Variants in CADM1 observed in about 807,000 individuals in gnomAD.
The protein encoded by CADM1 is TSLC-1.
CADM1 carries 15 observed loss-of-function variants against 53.1 expected under a neutral mutation model. The ratio of observed to expected loss-of-function variants is 0.28; its 90% CI spans 0.19 to 0.44. The LOEUF (loss-of-function observed/expected upper bound fraction) is 0.44, where lower values mean the gene tolerates loss of function less well. Ranked by LOEUF, CADM1 falls within the 20% of genes least tolerant of loss-of-function variation. The pLI is 1.00. For synonymous variants in CADM1, 281 were observed against 243.0 expected, an observed-to-expected ratio of 1.16 and a Z score of -1.45; for missense variants, 434 against 611.3, an observed-to-expected ratio of 0.71 and a Z score of 3.06.
chr11:115,395,650 G>C (rs923971740), intron 1 of CADM1, among the ~76,000 whole-genome samples: 1 of 152,150 alleles, frequency 6.6e-6, no homozygotes, highest in Non-Finnish European at 1.5e-5. Context: ...AGCAATCGGA[G>C]ATGTTTGAAA....
intron 1 of CADM1, among the ~76,000 whole-genome samples, chr11:115,343,433 A>ATAGGT: frequency 6.6e-6 from 1 of 152,172 alleles, no homozygotes; most frequent in Non-Finnish European, 1.5e-5. Context: ...GAAGTTTATC[A>ATAGGT]AAGATCTCAT....
At chr11:115,421,340 A>G (rs1947750828) in intron 1 of CADM1, among the ~76,000 whole-genome samples, 1 of 152,248 alleles carries the variant, frequency 6.6e-6, no homozygotes, top group Non-Finnish European at 1.5e-5. Flanking sequence ...TCTTTTGCTT[A>G]CAACTACTTG....
rs191877160 is a variant in CADM1 at position 115,349,560 on chromosome 11, G to A, written c.125-109140C>T. ...TAATGCACAATGCCTGTTCAAGCCC[G>A]TATTTCAAATCTGAAAGTCACCAAA... On this transcript the variant is annotated intron_variant, in intron 1 of 11. Coordinates refer to ENST00000331581, the MANE Select transcript of CADM1 (RefSeq NM_001301043.2). 5.3e-5 allele frequency among the ~76,000 whole-genome samples: 8 copies of A among 152,258 alleles called. No homozygotes were observed. In the East Asian group the frequency reaches 5.8e-4, roughly 11 times the overall value.
chr11:115,372,211 T>A (rs1213301866), intron 1 of CADM1, among the ~76,000 whole-genome samples: 1 of 152,200 alleles, frequency 6.6e-6, no homozygotes, highest in African/African-American at 2.4e-5. Flanking sequence ...CAGATAAGTA[T>A]TCTATGAGCC....
intron 1 of CADM1, among the ~76,000 whole-genome samples, chr11:115,395,837 T>A (rs1029194668): frequency 2.6e-5 from 4 of 152,218 alleles, no homozygotes; most frequent in African/African-American, 9.6e-5. Context: ...TTTTACATAT[T>A]ATTTAAACAT....
chr11:115,307,071 A>G (rs911157098), intron 1 of CADM1, among the ~76,000 whole-genome samples: 1 of 152,010 alleles, frequency 6.6e-6, no homozygotes, highest in African/African-American at 2.4e-5. Context: ...AAATAGTTAC[A>G]GTATTTCAGG....
In CADM1 at chr11:115,198,286, TTA is replaced by T; in HGVS notation, c.1111+118_1111+119del. ...CAAACCTTAAAAAATTATAGTATAT[TTA>T]TGAGGTCAGTCTACTTGAAACATGA... is the stretch of plus-strand genomic sequence containing the variant. On this transcript the variant is annotated intron_variant, in intron 9 of 11. Coordinates refer to ENST00000331581, the MANE Select transcript of CADM1 (RefSeq NM_001301043.2). The T allele has an allele frequency of 6.9e-6, 5 of 729,286 alleles. No homozygotes were observed. The Admixed American group carries it at 1.2e-4, about 17-fold the overall frequency. 45.2% of individuals were successfully genotyped at this position (729,286 alleles called of 1,614,324 possible).
intron 1 of CADM1, among the ~76,000 whole-genome samples, chr11:115,376,570 G>T (rs2135141106): frequency 6.6e-6 from 1 of 152,232 alleles, no homozygotes; most frequent in East Asian, 1.9e-4. Flanking sequence ...TTGCTAAATG[G>T]TTTCAAGATG....
intron 3 of CADM1, among the ~76,000 whole-genome samples, chr11:115,234,311 C>G (rs1041242982): frequency 1.3e-5 from 2 of 152,080 alleles, no homozygotes; most frequent in Admixed American, 6.5e-5. Flanking sequence ...TCTGCTGGTC[C>G]AAAGTAAGGA....
At chr11:115,381,724 C>T (rs1382082604) in intron 1 of CADM1, among the ~76,000 whole-genome samples, 1 of 152,200 alleles carries the variant, frequency 6.6e-6, no homozygotes, top group Non-Finnish European at 1.5e-5. Flanking sequence ...CTCCCCTCCA[C>T]AATTAAACAA....
chr11:115,328,129 A>G (rs1169448366), intron 1 of CADM1, among the ~76,000 whole-genome samples: 2 of 150,248 alleles, frequency 1.3e-5, no homozygotes, highest in South Asian at 2.1e-4. Flanking sequence ...ACTTCTGTTG[A>G]CCTCCGATTT....
At chr11:115,498,208 G>C (rs1438068810) in intron 1 of CADM1, among the ~76,000 whole-genome samples, 3 of 152,132 alleles carry the variant, frequency 2.0e-5, no homozygotes, top group African/African-American at 7.2e-5. Context: ...AATACTTACA[G>C]CCTGATGCAT....
At chr11:115,498,544 A>ATATTTACACAACTG (rs1949669310) in intron 1 of CADM1, among the ~76,000 whole-genome samples, 1 of 152,242 alleles carries the variant, frequency 6.6e-6, no homozygotes, top group Non-Finnish European at 1.5e-5. Context: ...CAATTACTGC[A>ATATTTACACAACTG]TATTTACACA....
chr11:115,213,794 T>C (rs2134754775), intron 7 of CADM1, among the ~76,000 whole-genome samples: 1 of 152,346 alleles, frequency 6.6e-6, no homozygotes, highest in East Asian at 1.9e-4. Context: ...TGGTTACTCA[T>C]TCTTTGTCAT....
chr11:115,438,406 G>A (rs1948231694), intron 1 of CADM1, among the ~76,000 whole-genome samples: 1 of 152,096 alleles, frequency 6.6e-6, no homozygotes, highest in African/African-American at 2.4e-5. Context: ...TCGGTTTGCT[G>A]CTGATTCTGG....
chr11:115,325,799 C>A (rs1472329209), intron 1 of CADM1, among the ~76,000 whole-genome samples: 1 of 152,138 alleles, frequency 6.6e-6, no homozygotes, highest in Admixed American at 6.5e-5. Context: ...CAGAAAGAAC[C>A]AATCACAGCT....
chr11:115,345,356 T>C (rs1945549410), intron 1 of CADM1, among the ~76,000 whole-genome samples: 1 of 152,132 alleles, frequency 6.6e-6, no homozygotes, highest in Non-Finnish European at 1.5e-5. Context: ...TTAACATGAT[T>C]TTCCTCTGCT....
intron 7 of CADM1, among the ~76,000 whole-genome samples, chr11:115,213,060 A>G (rs977261953): frequency 2.6e-5 from 4 of 152,264 alleles, no homozygotes; most frequent in Admixed American, 6.5e-5. Flanking sequence ...AAGGATGCAC[A>G]TAACAGACTA....
intron 1 of CADM1, among the ~76,000 whole-genome samples, chr11:115,404,086 G>A (rs1225374264): frequency 6.7e-6 from 1 of 149,962 alleles, no homozygotes; most frequent in Non-Finnish European, 1.5e-5. Flanking sequence ...AACACCCTGG[G>A]AGGCTGAGGC....
Sources: gnomAD v4.1 joint callset for allele counts (sites outside exome capture counted in the v4.1 genomes callset) on GRCh38, gnomAD v4.1.1 for gene constraint, MANE v1.5 for transcripts, NCBI Gene and HGNC (gene_info 2026-07-23, HGNC 2026-07-21) for gene names.